TPO: variants seen among roughly 807,000 people sequenced by gnomAD.
TPO encodes thyroid microsomal antigen.
TPO carries 78 observed loss-of-function variants against 96.9 expected under a neutral mutation model. The observed-to-expected ratio is 0.81, with a 90% CI of 0.67 to 0.97. TPO has a LOEUF of 0.97. TPO is among the 50% of genes least tolerant of loss of function. TPO has a pLI of 0.00. For synonymous variants in TPO, 547 were observed against 538.0 expected (o/e 1.02, Z -0.23); for missense variants, 1,252 against 1,274.8 (o/e 0.98, Z 0.27).
At position 1,436,507 on chromosome 2, in the gene TPO, C is replaced by T; in HGVS notation, c.482+123C>T. 2.0e-6 allele frequency: 3 copies of T among 1,481,782 alleles called. No homozygotes were observed. The East Asian group carries it at 7.2e-5, about 35-fold the overall frequency. 91.8% of individuals were successfully genotyped at this position (1,481,782 alleles called of 1,614,324 possible). ...GTATCCACCCCTGAGCCCCTGGTTC[C>T]TGTCCTTGGCCTCCCCGACATGGCC... On this transcript the variant is annotated intron_variant, in intron 5 of 16. Coordinates refer to ENST00000329066, the MANE Select transcript of TPO (RefSeq NM_001206744.2).
chr2:1,431,882 A>G (rs1665010081), intron 3 of TPO, among the ~76,000 whole-genome samples: 2 of 152,248 alleles, frequency 1.3e-5, no homozygotes, highest in Admixed American at 1.3e-4. Flanking sequence ...CCTGAGCCTC[A>G]TGTCTAACTT....
chr2:1,480,717 T>TGC (rs370781119), intron 8 of TPO, among the ~76,000 whole-genome samples: 1 of 141,172 alleles, frequency 7.1e-6, no homozygotes, highest in African/African-American at 2.5e-5. Context: ...TCCCTCCTCC[T>TGC]TCATCCGTCC....
intron 15 of TPO, among the ~76,000 whole-genome samples, chr2:1,536,070 C>T (rs1461457117): frequency 2.6e-5 from 1 of 38,538 alleles, no homozygotes. Context: ...TGCAACCTTC[C>T]CAAATCCCCC....
chr2:1,524,260 C>A, intron 15 of TPO, among the ~76,000 whole-genome samples: 1 of 147,828 alleles, frequency 6.8e-6, no homozygotes, highest in South Asian at 2.2e-4. Context: ...TGTGTGCAAC[C>A]TCCTCAAATC....
chr2:1,462,941 T>G (rs1668581485), intron 7 of TPO, among the ~76,000 whole-genome samples: 1 of 152,254 alleles, frequency 6.6e-6, no homozygotes, highest in South Asian at 2.1e-4. Context: ...GGTAAAATGT[T>G]GCCCAGCTTA....
intron 7 of TPO, among the ~76,000 whole-genome samples, chr2:1,469,105 C>T (rs1266197077): frequency 1.3e-5 from 2 of 152,152 alleles, no homozygotes; most frequent in Middle Eastern, 3.2e-3. Context: ...TTTCTCCCTT[C>T]ACTTCTTGTA....
chr2:1,512,432 C>T (rs563712108), intron 14 of TPO: 33 of 985,474 alleles, frequency 3.3e-5, no homozygotes, highest in East Asian at 1.1e-4. Flanking sequence ...CCCCTGAGCC[C>T]GGCCCGGACC....
At chr2:1,453,363 A>G (rs1244441920) in intron 5 of TPO, among the ~76,000 whole-genome samples, 1 of 152,196 alleles carries the variant, frequency 6.6e-6, no homozygotes, top group Admixed American at 6.5e-5. Flanking sequence ...CCTCCAGAGA[A>G]CTGCCCCTGG....
At chr2:1,489,650 C>CTGAATGAATGAATGAATGAATGAATGAA (rs59667255) in intron 10 of TPO, among the ~76,000 whole-genome samples, 1 of 150,288 alleles carries the variant, frequency 6.7e-6, no homozygotes, top group Non-Finnish European at 1.5e-5. Context: ...GGAACCCTCA[C>CTGAATGAATGAATGAATGAATGAATGAA]TGAATGAATG....
chr2:1,443,078 A>G (rs937573401), intron 5 of TPO, among the ~76,000 whole-genome samples: 15 of 152,244 alleles, frequency 9.9e-5, no homozygotes, highest in Non-Finnish European at 1.9e-4. Flanking sequence ...TCTAAAACAA[A>G]CAAACAAAAA....
chr2:1,387,099 C>T (rs1461692369), intron 1 of TPO, among the ~76,000 whole-genome samples: 9 of 152,110 alleles, frequency 5.9e-5, no homozygotes, highest in South Asian at 2.1e-4. Context: ...TCTGATGGGC[C>T]TCCCTTTGTG....
chr2:1,388,621 G>A (rs1661946052), intron 1 of TPO, among the ~76,000 whole-genome samples: 1 of 152,192 alleles, frequency 6.6e-6, no homozygotes, highest in Non-Finnish European at 1.5e-5. Context: ...AGCTTTGCTT[G>A]GCTATGAAAG....
At chr2:1,400,723 C>T (rs11211644) in intron 1 of TPO, among the ~76,000 whole-genome samples, 62,064 of 151,564 alleles carry the variant, frequency 0.41, 13,554 homozygotes, top group Admixed American at 0.53. Context: ...CTGATGCAGG[C>T]TTTTATTGTA....
intron 16 of TPO, chr2:1,541,713 T>A (rs1572063684): frequency 6.6e-6 from 1 of 152,382 alleles, no homozygotes; most frequent in African/African-American, 2.4e-5. Context: ...TAATTTGATA[T>A]AATCTCTCCA....
intron 5 of TPO, chr2:1,439,416 G>A (rs888247273): frequency 6.6e-6 from 1 of 152,308 alleles, no homozygotes; most frequent in Non-Finnish European, 1.5e-5. Context: ...GTCACTTGTT[G>A]TTATAAAAGT....
intron 5 of TPO, among the ~76,000 whole-genome samples, chr2:1,437,447 GC>G (rs28909390): frequency 0.53 from 80,240 of 151,572 alleles, 22,855 homozygotes; most frequent in Non-Finnish European, 0.65. Flanking sequence ...GAAGGAAGAT[GC>G]CCCCCCCGAG....
chr2:1,522,248 CCGCCACCG>C (rs1675372215), intron 15 of TPO, among the ~76,000 whole-genome samples: 1 of 112,282 alleles, frequency 8.9e-6, no homozygotes, highest in Non-Finnish European at 2.0e-5. Context: ...CCACACCTGC[CCGCCACCG>C]TGCCCTCACA....
chr2:1,436,883 G>A (rs763059313), intron 5 of TPO, among the ~76,000 whole-genome samples: 4 of 152,042 alleles, frequency 2.6e-5, no homozygotes, highest in South Asian at 2.1e-4. Flanking sequence ...CCCCATTCAC[G>A]CTCCCTGTTA....
rs1440390702 is a variant in TPO, at chr2:1,493,757, A to T, written c.1769-45A>T. On this transcript the variant is annotated intron_variant, in intron 10 of 16. Coordinates refer to ENST00000329066, the MANE Select transcript of TPO (RefSeq NM_001206744.2). ...GCATGAGTGAGATGGGCTGAACAAA[A>T]GTTCAGTTCTGTGAGAGAAACCCTG... 3.1e-6 allele frequency: 5 copies of T among 1,607,862 alleles called. No individual in the cohort carries two copies. In the Admixed American group the frequency reaches 8.3e-5, roughly 27 times the overall value.
Sources: allele counts gnomAD v4.1 joint callset (sites outside exome capture counted in the v4.1 genomes callset), GRCh38; gene constraint gnomAD v4.1.1; transcripts MANE v1.5; gene names NCBI Gene and HGNC (gene_info 2026-07-23, HGNC 2026-07-21).